Variants in BCKDHB observed in about 807,000 individuals in gnomAD.
BCKDHB encodes 2-oxoisovalerate dehydrogenase subunit beta, mitochondrial.
Under a neutral mutation model 48.5 loss-of-function variants are expected in BCKDHB, and 41 were observed. The ratio of observed to expected loss-of-function variants is 0.85; its 90% CI spans 0.66 to 1.10. The LOEUF is 1.10. Ranked by LOEUF, BCKDHB falls within the 50% of genes least tolerant of loss-of-function variation. The pLI, the probability that BCKDHB is intolerant of heterozygous loss-of-function variation, is 0.00. For missense variants in BCKDHB, 496 were observed against 494.2 expected (o/e 1.00, Z -0.03); for synonymous variants, 201 against 174.8 (o/e 1.15, Z -1.18).
At chr6:80,163,736 C>A in intron 3 of BCKDHB, among the ~76,000 whole-genome samples, 1 of 152,142 alleles carries the variant, frequency 6.6e-6, no homozygotes, top group East Asian at 1.9e-4. Flanking sequence ...TAAACATCTC[C>A]AAACCTGAGC....
intron 8 of BCKDHB, among the ~76,000 whole-genome samples, chr6:80,234,168 G>C (rs1223644731): frequency 2.6e-5 from 4 of 152,216 alleles, no homozygotes; most frequent in African/African-American, 7.2e-5. Context: ...CTGCTGAGTG[G>C]CCAGGTTCCT....
At chr6:80,213,150 T>C (rs1314119631) in intron 8 of BCKDHB, among the ~76,000 whole-genome samples, 2 of 152,330 alleles carry the variant, frequency 1.3e-5, no homozygotes, top group South Asian at 2.1e-4. Context: ...GTGCTTCTTC[T>C]TGGTGCTCAT....
At chr6:80,161,298 C>T (rs893796784) in intron 3 of BCKDHB, among the ~76,000 whole-genome samples, 1 of 149,986 alleles carries the variant, frequency 6.7e-6, no homozygotes, top group East Asian at 2.0e-4. Context: ...ATTTTTTATA[C>T]TACCTGAGCT....
chr6:80,219,542 A>G (rs946917424), intron 8 of BCKDHB, among the ~76,000 whole-genome samples: 11 of 152,018 alleles, frequency 7.2e-5, no homozygotes, highest in Admixed American at 1.3e-4. Context: ...TCCAGTCTTG[A>G]CTACCCTTCT....
rs570718150 is a variant in BCKDHB at position 80,318,298 on chromosome 6, G to A, written c.1039-25366G>A. Among the ~76,000 whole-genome samples the A allele has an allele frequency of 5.8e-4, 89 of 152,262 alleles. 1 individual carries two copies. The highest frequency in any genetic ancestry group is 2.0e-3 in the African/African-American group (85 of 41,556). ...ACAGGGAGAAGGACATGAAATACAA[G>A]CATTGCTGTATGTGGGATGGATGTC... On this transcript the variant is annotated intron_variant, in intron 9 of 9. Coordinates refer to ENST00000320393, the MANE Select transcript of BCKDHB (RefSeq NM_183050.4).
At chr6:80,388,050 G>A in the BCKDHB span, among the ~76,000 whole-genome samples, 1 of 152,156 alleles carries the variant, frequency 6.6e-6, no homozygotes, top group African/African-American at 2.4e-5. Context: ...ACTGCATTAG[G>A]CCCCTCTTAC....
chr6:80,344,100 G>C lies in BCKDHB; in HGVS notation c.*296G>C. 2.6e-6 allele frequency: 1 copy of C among 386,292 alleles called. No individual in the cohort carries two copies. The highest frequency in any genetic ancestry group is 2.2e-5 in the South Asian group (1 of 44,808). The allele number at this position is 386,292 out of a possible 1,614,324, so 23.9% of individuals were successfully genotyped here. A position where few individuals can be genotyped will look rare whatever the true frequency, so the allele number is the denominator to read the frequency against. On this transcript the variant is annotated 3_prime_UTR_variant, in exon 10 of 10. Transcript: ENST00000320393. ...ACTGCAACCTCCCCCCTACCCCTGA[G>C]TTCAAGCGATTCTCCTGCCTCAGCC... is the stretch of plus-strand genomic sequence containing the variant.
At chr6:80,151,457 T>C (rs1249392033) in intron 3 of BCKDHB, among the ~76,000 whole-genome samples, 1 of 152,054 alleles carries the variant, frequency 6.6e-6, no homozygotes, top group East Asian at 1.9e-4. Flanking sequence ...GGCCAAACAT[T>C]AATCATTTGG....
chr6:80,202,022 T>C (rs1404595450), intron 7 of BCKDHB, among the ~76,000 whole-genome samples: 1 of 152,146 alleles, frequency 6.6e-6, no homozygotes, highest in Non-Finnish European at 1.5e-5. Context: ...CCCATTGATA[T>C]TGTCCTTGGT....
At chr6:80,447,213 C>T in the BCKDHB span, among the ~76,000 whole-genome samples, 113 of 152,144 alleles carry the variant, frequency 7.4e-4, no homozygotes, top group Non-Finnish European at 1.3e-3. Context: ...TTCTTATCTG[C>T]CAAATGAGGG....
intron 8 of BCKDHB, among the ~76,000 whole-genome samples, chr6:80,261,553 C>T (rs1164491967): frequency 6.6e-6 from 1 of 151,982 alleles, no homozygotes; most frequent in African/African-American, 2.4e-5. Context: ...AGCATCATAC[C>T]CTGAGAGTGG....
Position 80,115,897 on chromosome 6 carries a change from A to G in BCKDHB, c.196+9008A>G, listed in dbSNP as rs112197100. ...ATGATCCACCCCCCTCGGCCTCCCAATGCTGGAGTTTCTAAGGAATATGAG... is the reference window on the plus strand; with the variant it reads ...ATGATCCACCCCCCTCGGCCTCCCAGTGCTGGAGTTTCTAAGGAATATGAG... On this transcript the variant is annotated intron_variant, in intron 1 of 9. Coordinates refer to ENST00000320393, the MANE Select transcript of BCKDHB (RefSeq NM_183050.4). Among the ~76,000 whole-genome samples, 668 of 125,756 alleles carry G rather than the reference A, an allele frequency of 5.3e-3. 3 individuals carry two copies. The highest frequency in any genetic ancestry group is 0.017 in the African/African-American group (540 of 32,242). 82.5% of individuals were successfully genotyped at this position (125,756 alleles called of 152,430 possible). A position where few individuals can be genotyped will look rare whatever the true frequency, so the allele number is the denominator to read the frequency against.
Position 80,290,134 on chromosome 6 carries a change from C to T in BCKDHB, c.1038+16913C>T, listed in dbSNP as rs540881729. Reference sequence around the variant, plus strand: ...ACAGCTGGAATGCCAACCTAATCCACAGGCTGTCCCAGTGCCCCCAGGGCT... The same window carrying T: ...ACAGCTGGAATGCCAACCTAATCCATAGGCTGTCCCAGTGCCCCCAGGGCT... On this transcript the variant is annotated intron_variant, in intron 9 of 9. Transcript: ENST00000320393. Among the ~76,000 whole-genome samples the T allele has an allele frequency of 2.0e-5, 3 of 152,336 alleles. No individual in the cohort carries two copies. The South Asian group carries it at 6.2e-4, about 32-fold the overall frequency.
chr6:80,351,407 T>C, the BCKDHB span, among the ~76,000 whole-genome samples: 1 of 152,130 alleles, frequency 6.6e-6, no homozygotes, highest in South Asian at 2.1e-4. Context: ...TTTCATCTTT[T>C]CTGTTCTTGT....
chr6:80,239,287 A>G (rs1317336412), intron 8 of BCKDHB, among the ~76,000 whole-genome samples: 2 of 152,198 alleles, frequency 1.3e-5, no homozygotes, highest in East Asian at 1.9e-4. Context: ...TTTAATGATC[A>G]CCATTCTAAC....
At chr6:80,260,499 C>T (rs1208632455) in intron 8 of BCKDHB, among the ~76,000 whole-genome samples, 1 of 152,074 alleles carries the variant, frequency 6.6e-6, no homozygotes, top group Non-Finnish European at 1.5e-5. Flanking sequence ...CGGTACATCA[C>T]CAAGTACAAT....
chr6:80,167,873 C>A, intron 4 of BCKDHB, 62 bp downstream of exon 4: 1 of 1,515,812 alleles, frequency 6.6e-7, no homozygotes, highest in Non-Finnish European at 9.1e-7. Flanking sequence ...TTGCCGCTAC[C>A]CTTCCACCCA....
At chr6:80,276,579 G>T (rs1479847418) in intron 9 of BCKDHB, among the ~76,000 whole-genome samples, 1 of 151,754 alleles carries the variant, frequency 6.6e-6, no homozygotes, top group African/African-American at 2.4e-5. Flanking sequence ...ATATAAGATG[G>T]AGTCATAATT....
intron 3 of BCKDHB, among the ~76,000 whole-genome samples, chr6:80,134,698 A>G (rs1770796910): frequency 6.6e-6 from 1 of 151,912 alleles, no homozygotes. Context: ...TAGGCATTTA[A>G]TTTAATTTTT....
Sources: allele counts gnomAD v4.1 joint callset (sites outside exome capture counted in the v4.1 genomes callset), GRCh38; gene constraint gnomAD v4.1.1; transcripts MANE v1.5; gene names NCBI Gene and HGNC (gene_info 2026-07-23, HGNC 2026-07-21).